Variants in CRIM1 observed in about 807,000 individuals in gnomAD.
The protein encoded by CRIM1 is cysteine rich transmembrane BMP regulator 1, also known as cysteine-rich motor neuron 1 protein.
Under a neutral mutation model 116.4 loss-of-function variants are expected in CRIM1, and 32 were observed. The ratio of observed to expected loss-of-function variants is 0.27; its 90% CI spans 0.21 to 0.37. CRIM1 has a LOEUF of 0.37. Among genes scored for constraint, CRIM1 ranks in the 10% least tolerant of loss-of-function variants. The pLI is 1.00. For synonymous variants in CRIM1, 590 were observed against 509.2 expected (o/e 1.16, Z -2.13); for missense variants, 1,331 against 1,354.8 (o/e 0.98, Z 0.28).
At chr2:36,476,683 TG>T (rs1018886448) in intron 5 of CRIM1, among the ~76,000 whole-genome samples, 2 of 152,196 alleles carry the variant, frequency 1.3e-5, no homozygotes, top group African/African-American at 4.8e-5. Context: ...TGTTCCTTGG[TG>T]TAAACTGGAT....
chr2:36,430,803 A>G (rs1674828954), intron 2 of CRIM1, among the ~76,000 whole-genome samples: 1 of 152,214 alleles, frequency 6.6e-6, no homozygotes, highest in African/African-American at 2.4e-5. Context: ...GTATGGGTCT[A>G]AACACTGGGA....
chr2:36,407,433 T>TA (rs1672894970), intron 2 of CRIM1, among the ~76,000 whole-genome samples: 2 of 152,214 alleles, frequency 1.3e-5, no homozygotes, highest in Admixed American at 6.5e-5. Context: ...AATTTTTTGT[T>TA]ACAGATACAA....
intron 1 of CRIM1, among the ~76,000 whole-genome samples, chr2:36,392,807 G>T (rs1671715980): frequency 2.0e-5 from 3 of 152,146 alleles, no homozygotes; most frequent in Non-Finnish European, 4.4e-5. Context: ...TTAGGAGCGG[G>T]CAGAGAATTG....
At chr2:36,469,664 A>G (rs1056933278) in intron 5 of CRIM1, among the ~76,000 whole-genome samples, 6 of 152,212 alleles carry the variant, frequency 3.9e-5, no homozygotes, top group African/African-American at 1.4e-4. Context: ...AAACACTAGT[A>G]CAGAAAACAT....
chr2:36,449,296 C>T (rs780845751), intron 4 of CRIM1, among the ~76,000 whole-genome samples: 11 of 152,116 alleles, frequency 7.2e-5, no homozygotes, highest in Non-Finnish European at 1.6e-4. Flanking sequence ...TGCACATCAG[C>T]GGAACAGGTC....
intron 14 of CRIM1, among the ~76,000 whole-genome samples, chr2:36,539,245 G>A (rs1223789930): frequency 6.6e-6 from 1 of 152,196 alleles, no homozygotes; most frequent in African/African-American, 2.4e-5. Context: ...CAGAATTGCA[G>A]TTCTCATGGG....
intron 8 of CRIM1, among the ~76,000 whole-genome samples, chr2:36,503,993 C>T (rs1017823060): frequency 1.3e-5 from 2 of 152,086 alleles, no homozygotes; most frequent in Non-Finnish European, 2.9e-5. Context: ...ACCTGAGCCT[C>T]CCAAGTAACT....
intron 4 of CRIM1, among the ~76,000 whole-genome samples, chr2:36,449,800 T>G (rs1227704061): frequency 6.6e-6 from 1 of 151,612 alleles, no homozygotes. Flanking sequence ...ATGGCTCGCC[T>G]AGGGATAAGA....
At chr2:36,396,973 T>A (rs1050021309) in intron 2 of CRIM1, among the ~76,000 whole-genome samples, 186 bp downstream of exon 2, 10 of 152,294 alleles carry the variant, frequency 6.6e-5, no homozygotes, top group African/African-American at 2.4e-4. Flanking sequence ...CGAGACGCTA[T>A]GGAATGGCGG....
At chr2:36,362,719 A>C (rs990236846) in intron 1 of CRIM1, among the ~76,000 whole-genome samples, 1 of 152,210 alleles carries the variant, frequency 6.6e-6, no homozygotes, top group Admixed American at 6.5e-5. Flanking sequence ...GAATACCCTC[A>C]AGGTAAACAC....
rs1049856744 is a variant in CRIM1, at chr2:36,548,945, A to G, written c.*244A>G. Reference sequence around the variant, plus strand: ...AAAGTTTTTAAAGTTGCTAAGATATATTTGCCTGTAAGATAGCTGTAGAGA... The same window carrying G: ...AAAGTTTTTAAAGTTGCTAAGATATGTTTGCCTGTAAGATAGCTGTAGAGA... On this transcript the variant is annotated 3_prime_UTR_variant, in exon 17 of 17. Transcript: ENST00000280527. The G allele has an allele frequency of 7.5e-6, 2 of 265,002 alleles. No individual in the cohort carries two copies. Among genetic ancestry groups the G allele is most frequent in the African/African-American group, 4.4e-5 (2 of 44,970 alleles). The allele number at this position is 265,002 out of a possible 1,614,324, so 16.4% of individuals were successfully genotyped here. A position where few individuals can be genotyped will look rare whatever the true frequency, so the allele number is the denominator to read the frequency against.
In CRIM1 at chr2:36,537,416, G is replaced by A. The variant is rs749712676; in HGVS notation, c.2493G>A (p.Arg831=). 5.6e-6 allele frequency: 9 copies of A among 1,614,102 alleles called. No individual in the cohort carries two copies. Among genetic ancestry groups the A allele is most frequent in the Admixed American group, 5.0e-5 (3 of 60,014 alleles). The change falls in exon 14 of 17, where the codon CGG becomes CGA. Residue 831 remains arginine, a synonymous_variant. Transcript: ENST00000280527. ...GGAAGGCCTATGCCGACGAGGAGCG[G>A]TGGGACCTTGACAGCTGCACCCACT... is the stretch of plus-strand genomic sequence containing the variant. ...FSGKAYADEE[R]WDLDSCTHCY...
intron 12 of CRIM1, among the ~76,000 whole-genome samples, chr2:36,519,930 A>G (rs1398416264): frequency 2.6e-5 from 4 of 152,010 alleles, no homozygotes; most frequent in African/African-American, 7.2e-5. Context: ...AGAAAATAGA[A>G]AAAAGGAAAC....
chr2:36,376,519 G>C (rs137905777), intron 1 of CRIM1, among the ~76,000 whole-genome samples: 270 of 152,292 alleles, frequency 1.8e-3, no homozygotes, highest in African/African-American at 6.1e-3. Context: ...GTTTATTTCT[G>C]GCTGTGGGGA....
intron 7 of CRIM1, among the ~76,000 whole-genome samples, chr2:36,493,948 C>G (rs1680408290): frequency 6.6e-6 from 1 of 152,158 alleles, no homozygotes; most frequent in South Asian, 2.1e-4. Flanking sequence ...GAGGGTAAGA[C>G]TGATCTACAA....
intron 1 of CRIM1, among the ~76,000 whole-genome samples, chr2:36,369,507 C>A (rs544611178): frequency 2.6e-5 from 4 of 152,294 alleles, no homozygotes; most frequent in Admixed American, 2.0e-4. Context: ...AGGATCCCTT[C>A]CAATAACAGT....
intron 7 of CRIM1, among the ~76,000 whole-genome samples, chr2:36,483,463 G>A (rs144401927): frequency 8.1e-4 from 124 of 152,240 alleles, no homozygotes; most frequent in African/African-American, 2.8e-3. Context: ...GCATCCCTTC[G>A]GTATGGGTGC....
rs999866132 is a variant in CRIM1 at position 36,356,894 on chromosome 2, C to A, written c.331+271C>A. Among the ~76,000 whole-genome samples, 1 of 152,090 alleles carries A rather than the reference C, an allele frequency of 6.6e-6. No individual in the cohort carries two copies. The highest frequency in any genetic ancestry group is 2.4e-5 in the African/African-American group (1 of 41,422). On this transcript the variant is annotated intron_variant, in intron 1 of 16. Transcript: ENST00000280527. This position sits in a 1 kb window ranked among gnomAD's most constrained non-coding sequence, Gnocchi z 4.3. The stretch of plus-strand genomic sequence containing the variant: ...CCCTGTCCCCGCGCAGACGCGCACA[C>A]GTGTGGCCGTTCCTGCTGGGACTGG...
At chr2:36,542,348 GAC>G (rs1307457649) in intron 14 of CRIM1, among the ~76,000 whole-genome samples, 4 of 152,210 alleles carry the variant, frequency 2.6e-5, no homozygotes, top group Non-Finnish European at 1.5e-5. Context: ...CTTCACCATA[GAC>G]AGATCCTTCT....
Sources: gnomAD v4.1 joint callset for allele counts (sites outside exome capture counted in the v4.1 genomes callset) on GRCh38, gnomAD v4.1.1 for gene constraint, Gnocchi (gnomAD v3.1) non-coding constraint, MANE v1.5 for transcripts, NCBI Gene and HGNC (gene_info 2026-07-23, HGNC 2026-07-21) for gene names.